Variants in TTC23L observed in about 807,000 individuals in gnomAD.
TTC23L encodes tetratricopeptide repeat protein 23-like.
Under a neutral mutation model 48.1 loss-of-function variants are expected in TTC23L, and 42 were observed. That is an observed-to-expected ratio of 0.87 (90% CI 0.68 to 1.13). TTC23L has a LOEUF of 1.13. Among genes scored for constraint, TTC23L ranks in the 50% most tolerant of loss-of-function variants. TTC23L has a pLI of 0.00. For synonymous variants in TTC23L, 159 were observed against 157.2 expected, an observed-to-expected ratio of 1.01 and a Z score of -0.09; for missense variants, 391 against 421.0, an observed-to-expected ratio of 0.93 and a Z score of 0.62.
downstream of TTC23L, among the ~76,000 whole-genome samples, chr5:34,903,949 T>G (rs1763570081): frequency 6.6e-6 from 1 of 152,106 alleles, no homozygotes; most frequent in East Asian, 1.9e-4. Flanking sequence ...CATACAGATT[T>G]CAATAAATAT....
At chr5:34,885,901 T>C (rs1233107936) in intron 9 of TTC23L, among the ~76,000 whole-genome samples, 1 of 152,168 alleles carries the variant, frequency 6.6e-6, no homozygotes, top group Non-Finnish European at 1.5e-5. Flanking sequence ...GGCAAAATTG[T>C]AGCAATGTGT....
At chr5:34,898,978 A>G (rs551112047) in intron 10 of TTC23L, among the ~76,000 whole-genome samples, 2 of 152,282 alleles carry the variant, frequency 1.3e-5, no homozygotes, top group Non-Finnish European at 1.5e-5. Context: ...AGCAAGAGAG[A>G]TCTTTCACAG....
intron 2 of TTC23L, among the ~76,000 whole-genome samples, chr5:34,841,890 CTGTT>C (rs1758708439): frequency 6.6e-6 from 1 of 152,164 alleles, no homozygotes; most frequent in Admixed American, 6.5e-5. Flanking sequence ...GGTTGGATAA[CTGTT>C]TGTTGTGGAG....
At chr5:34,845,277 C>CA (rs777264852) in intron 2 of TTC23L, among the ~76,000 whole-genome samples, 4 of 152,222 alleles carry the variant, frequency 2.6e-5, no homozygotes, top group Non-Finnish European at 4.4e-5. Context: ...AGCTGTACCT[C>CA]TATAAATCGG....
intron 9 of TTC23L, among the ~76,000 whole-genome samples, chr5:34,895,360 T>C (rs1208568280): frequency 6.6e-6 from 1 of 152,234 alleles, no homozygotes; most frequent in Non-Finnish European, 1.5e-5. Context: ...CATAAAGCAC[T>C]TAGCACAGTA....
At chr5:34,890,055 T>C (rs1285527289) in intron 9 of TTC23L, among the ~76,000 whole-genome samples, 1 of 151,994 alleles carries the variant, frequency 6.6e-6, no homozygotes, top group African/African-American at 2.4e-5. Flanking sequence ...GCCAGGATGG[T>C]CTTGATCTCT....
the TTC23L span, chr5:34,909,410 G>T: frequency 7.9e-7 from 1 of 1,268,976 alleles, no homozygotes; most frequent in South Asian, 1.3e-5. Context: ...AACCACATTA[G>T]GATCCAAATA....
the TTC23L span, chr5:34,920,612 C>A: frequency 2.0e-5 from 3 of 152,054 alleles, no homozygotes; most frequent in Non-Finnish European, 4.4e-5. Flanking sequence ...CAAGTAAAGA[C>A]AGGAGAAATA....
chr5:34,910,356 G>C, the TTC23L span, among the ~76,000 whole-genome samples: 1 of 151,588 alleles, frequency 6.6e-6, no homozygotes, highest in African/African-American at 2.4e-5. Flanking sequence ...TTCCATTTTG[G>C]TTAACTTTCT....
At chr5:34,846,707 G>GTGTATA (rs59410522) in intron 3 of TTC23L, among the ~76,000 whole-genome samples, 3 of 129,732 alleles carry the variant, frequency 2.3e-5, no homozygotes, top group African/African-American at 6.2e-5. Context: ...GTGTGTGTGT[G>GTGTATA]TATCCATCCT....
chr5:34,880,548 C>A (rs1762159040), intron 9 of TTC23L: 2 of 483,356 alleles, frequency 4.1e-6, no homozygotes, highest in Non-Finnish European at 7.4e-6. Context: ...TTGGAAACTG[C>A]AGAGTAGGCT....
rs147945224 is a variant in TTC23L, at chr5:34,868,868, T to C, written c.841-37T>C. 254 of 1,544,836 alleles carry C rather than the reference T, an allele frequency of 1.6e-4. No homozygotes were observed. The African/African-American group carries it at 3.1e-3, about 19-fold the overall frequency. ...TCTAAATCCACAGTGAACACTGTCATTGGGTGCTTACCTTGTCATGATTTT... is the reference window on the plus strand; with the variant it reads ...TCTAAATCCACAGTGAACACTGTCACTGGGTGCTTACCTTGTCATGATTTT... On this transcript the variant is annotated intron_variant, in intron 7 of 10. Coordinates refer to ENST00000505624, the Ensembl canonical transcript of TTC23L.
At chr5:34,846,615 A>G (rs1759196011) in intron 3 of TTC23L, among the ~76,000 whole-genome samples, 1 of 144,502 alleles carries the variant, frequency 6.9e-6, no homozygotes, top group Non-Finnish European at 1.5e-5. Flanking sequence ...ACACATATAT[A>G]TACACACACA....
chr5:34,915,756 G>C, the TTC23L span: 2 of 1,603,708 alleles, frequency 1.2e-6, no homozygotes, highest in Non-Finnish European at 1.7e-6. Flanking sequence ...CAACCAAGAG[G>C]AAACGGCGTG....
the TTC23L span, chr5:34,924,733 T>G: frequency 1.6e-6 from 1 of 632,050 alleles, no homozygotes; most frequent in Non-Finnish European, 2.7e-6. Context: ...CACCCCCACC[T>G]TGATTTTATG....
intron 10 of TTC23L, among the ~76,000 whole-genome samples, chr5:34,898,077 A>G (rs1333554114): frequency 2.0e-5 from 3 of 152,106 alleles, no homozygotes; most frequent in African/African-American, 7.2e-5. Flanking sequence ...TACCTATCTC[A>G]GTGTTGTTGT....
chr5:34,865,723 T>C (rs1760999716), intron 6 of TTC23L, among the ~76,000 whole-genome samples: 1 of 152,202 alleles, frequency 6.6e-6, no homozygotes, highest in African/African-American at 2.4e-5. Context: ...TTCATTTAGA[T>C]AGTTTTTCAT....
chr5:34,868,526 A>C (rs1169368375), intron 7 of TTC23L: 1 of 168,190 alleles, frequency 5.9e-6, no homozygotes, highest in Non-Finnish European at 1.3e-5. Flanking sequence ...TTTTTATAAC[A>C]AATACTATTC....
intron 9 of TTC23L, among the ~76,000 whole-genome samples, chr5:34,882,547 T>C (rs774821430): frequency 1.9e-4 from 29 of 151,946 alleles, no homozygotes; most frequent in South Asian, 2.1e-4. Context: ...CCAAGCTTCA[T>C]GTGAGGCTCT....
Sources: gnomAD v4.1 joint callset for allele counts (sites outside exome capture counted in the v4.1 genomes callset) on GRCh38, gnomAD v4.1.1 for gene constraint, MANE v1.5 for transcripts, NCBI Gene and HGNC (gene_info 2026-07-23, HGNC 2026-07-21) for gene names.